The following GRAP2 variants were observed in gnomAD, a reference collection of about 807,000 sequenced individuals.
GRAP2 encodes the protein GRB2-related adapter protein 2.
In GRAP2, 31 loss-of-function variants were observed where a neutral mutation model predicts 43.5. The observed-to-expected ratio is 0.71, with a 90% CI of 0.54 to 0.96. The LOEUF (loss-of-function observed/expected upper bound fraction) is 0.96. Among genes scored for constraint, GRAP2 ranks in the 40% least tolerant of loss-of-function variants. The pLI is 0.00. For synonymous variants in GRAP2, 156 were observed against 164.8 expected (o/e 0.95, Z 0.41); for missense variants, 371 against 424.4 (o/e 0.87, Z 1.11).
intron 4 of GRAP2, among the ~76,000 whole-genome samples, chr22:39,965,116 G>T: frequency 6.6e-6 from 1 of 152,290 alleles, no homozygotes; most frequent in Middle Eastern, 3.4e-3. Context: ...TTCACAGGGC[G>T]CAGTGCCTCA....
At chr22:39,937,837 G>A (rs943662000) in intron 1 of GRAP2, among the ~76,000 whole-genome samples, 1 of 152,150 alleles carries the variant, frequency 6.6e-6, no homozygotes, top group Non-Finnish European at 1.5e-5. Flanking sequence ...GGCAAGCCTC[G>A]CCTTGCAGAG....
chr22:39,954,998 C>G (rs1360713751), intron 2 of GRAP2, among the ~76,000 whole-genome samples: 1 of 152,218 alleles, frequency 6.6e-6, no homozygotes, highest in African/African-American at 2.4e-5. Flanking sequence ...TTACTGTTTC[C>G]AAAGCTGGCC....
At chr22:39,956,561 C>A (rs188354636) in intron 3 of GRAP2, among the ~76,000 whole-genome samples, 1 of 151,226 alleles carries the variant, frequency 6.6e-6, no homozygotes, top group African/African-American at 2.4e-5. Context: ...GGCATGATCT[C>A]GGCTCATTGC....
In GRAP2 at chr22:39,947,053, CT is replaced by C; in HGVS notation, c.-14-39del. On this transcript the variant is annotated intron_variant, in intron 1 of 7. Coordinates refer to ENST00000344138, the MANE Select transcript of GRAP2 (RefSeq NM_004810.4). ...CACCATCGGCTCTGCTGCCCTCCCC[CT>C]GGCAGAGAGGCACAATGACCACATT... is the stretch of plus-strand genomic sequence containing the variant. 3.4e-6 allele frequency: 4 copies of C among 1,165,292 alleles called. No homozygotes were observed. In the East Asian group the frequency reaches 7.0e-5, roughly 20 times the overall value. 72.2% of individuals were successfully genotyped at this position (1,165,292 alleles called of 1,614,324 possible).
At chr22:39,929,862 C>T (rs1218581777) in intron 1 of GRAP2, among the ~76,000 whole-genome samples, 1 of 152,310 alleles carries the variant, frequency 6.6e-6, no homozygotes, top group African/African-American at 2.4e-5. Context: ...TCTCCTCTTT[C>T]TGTATTCCCT....
At chr22:39,919,117 C>T (rs1296571802) in intron 1 of GRAP2, among the ~76,000 whole-genome samples, 1 of 151,982 alleles carries the variant, frequency 6.6e-6, no homozygotes, top group Non-Finnish European at 1.5e-5. Context: ...CAGCCTGGGC[C>T]ACAGTGTGAC....
At chr22:39,946,645 C>G (rs2066925213) in intron 1 of GRAP2, among the ~76,000 whole-genome samples, 1 of 152,190 alleles carries the variant, frequency 6.6e-6, no homozygotes, top group African/African-American at 2.4e-5. Flanking sequence ...GAGGAAATGG[C>G]ATCCGTCTAA....
intron 1 of GRAP2, among the ~76,000 whole-genome samples, chr22:39,923,267 G>C (rs1790344276): frequency 6.6e-6 from 1 of 152,176 alleles, no homozygotes; most frequent in African/African-American, 2.4e-5. Flanking sequence ...TGAGACATCT[G>C]TTCTGCTGAA....
intron 1 of GRAP2, among the ~76,000 whole-genome samples, chr22:39,928,595 T>A (rs898267703): frequency 6.6e-6 from 1 of 152,214 alleles, no homozygotes; most frequent in African/African-American, 2.4e-5. Context: ...CACTTGAAAG[T>A]TGAATTGGAG....
chr22:39,939,431 A>G (rs535104890), intron 1 of GRAP2, among the ~76,000 whole-genome samples: 21 of 151,816 alleles, frequency 1.4e-4, no homozygotes, highest in African/African-American at 1.9e-4. Context: ...GCGTGGTGGC[A>G]GGCGCCTGTA....
intron 1 of GRAP2, among the ~76,000 whole-genome samples, chr22:39,906,458 C>T (rs115521136): frequency 6.6e-6 from 1 of 152,122 alleles, no homozygotes; most frequent in African/African-American, 2.4e-5. Context: ...CAAAAGGGTT[C>T]GACTGCTGAG....
the GRAP2 span, chr22:39,894,003 A>G: frequency 2.0e-5 from 3 of 151,878 alleles, no homozygotes; most frequent in Admixed American, 2.0e-4. Flanking sequence ...ATCAGACACT[A>G]GCATTTATTC....
In GRAP2 at chr22:39,965,953, C is replaced by T. The variant is rs115997833; in HGVS notation, c.291-37C>T. ...AGCCTGGAGGTGGTGACATTATCAC[C>T]GTGTAACATACAATTTTGTTTTGCC... On this transcript the variant is annotated intron_variant, in intron 4 of 7. Transcript: ENST00000344138. The T allele has an allele frequency of 6.6e-4, 1,036 of 1,569,180 alleles. 7 individuals carry two copies. The African/African-American group carries it at 0.013, about 19-fold the overall frequency.
Position 39,962,031 on chromosome 22 carries a change from T to C in GRAP2, c.290+1857T>C, listed in dbSNP as rs1369718707. On this transcript the variant is annotated intron_variant, in intron 4 of 7. Coordinates refer to ENST00000344138, the MANE Select transcript of GRAP2 (RefSeq NM_004810.4). ...TCAGTAAAAACTTTATTTTCATAGC[T>C]TGGAGAATGGTTAACTTTAGTTCAG... is the stretch of plus-strand genomic sequence containing the variant. Among the ~76,000 whole-genome samples the C allele has an allele frequency of 2.0e-5, 3 of 152,252 alleles. No individual in the cohort carries two copies. The East Asian group carries it at 5.8e-4, about 29-fold the overall frequency.
At chr22:39,962,291 G>T (rs1227114080) in intron 4 of GRAP2, among the ~76,000 whole-genome samples, 1 of 152,030 alleles carries the variant, frequency 6.6e-6, no homozygotes, top group African/African-American at 2.4e-5. Context: ...GTGCAGTGGC[G>T]CATGCCTGTG....
chr22:39,940,495 T>C (rs1353768906), intron 1 of GRAP2, among the ~76,000 whole-genome samples: 1 of 152,010 alleles, frequency 6.6e-6, no homozygotes, highest in Admixed American at 6.6e-5. Flanking sequence ...AGTTGTCCGT[T>C]CTATGCTTAC....
At chr22:39,915,942 G>C (rs943229157) in intron 1 of GRAP2, among the ~76,000 whole-genome samples, 16 of 152,138 alleles carry the variant, frequency 1.1e-4, no homozygotes, top group African/African-American at 3.9e-4. Flanking sequence ...CCATTTAGCT[G>C]AGAGCATACA....
At chr22:39,920,677 A>G (rs1414289216) in intron 1 of GRAP2, among the ~76,000 whole-genome samples, 1 of 152,126 alleles carries the variant, frequency 6.6e-6, no homozygotes, top group Non-Finnish European at 1.5e-5. Context: ...TTGCCTTGGA[A>G]AAAATAACAG....
At chr22:39,949,074 C>T (rs1039503469) in intron 2 of GRAP2, among the ~76,000 whole-genome samples, 4 of 152,188 alleles carry the variant, frequency 2.6e-5, no homozygotes, top group Admixed American at 6.5e-5. Context: ...CAGACCCAGA[C>T]TTCCAATTGT....
Sources: allele counts gnomAD v4.1 joint callset (sites outside exome capture counted in the v4.1 genomes callset), GRCh38; gene constraint gnomAD v4.1.1; transcripts MANE v1.5; gene names NCBI Gene and HGNC (gene_info 2026-07-23, HGNC 2026-07-21).